The following PTPRG variants were observed in gnomAD, a reference collection of about 807,000 sequenced individuals.
PTPRG encodes receptor-type tyrosine-protein phosphatase gamma.
In PTPRG, 102 loss-of-function variants were observed where a neutral mutation model predicts 165.3. That is an observed-to-expected ratio of 0.62 (90% CI 0.53 to 0.73). The LOEUF is 0.73. PTPRG is among the 30% of genes least tolerant of loss of function. PTPRG has a pLI of 0.00. For synonymous variants in PTPRG, 675 were observed against 669.5 expected (o/e 1.01, Z -0.13); for missense variants, 1,866 against 1,861.4 (o/e 1.00, Z -0.05).
At chr3:61,824,032 G>T (rs2036034728) in intron 2 of PTPRG, among the ~76,000 whole-genome samples, 1 of 152,142 alleles carries the variant, frequency 6.6e-6, no homozygotes, top group Admixed American at 6.5e-5. Context: ...GCTGAGGCAG[G>T]AGAATGGCAT....
intron 1 of PTPRG, among the ~76,000 whole-genome samples, chr3:61,594,447 T>C (rs1700644783): frequency 6.6e-6 from 1 of 151,762 alleles, no homozygotes; most frequent in Non-Finnish European, 1.5e-5. Context: ...TGTTAGACGT[T>C]GGGAGTGCAA....
rs1219465740 is a variant in PTPRG, at chr3:61,600,752, G to C, written c.85+38380G>C. Among the ~76,000 whole-genome samples the C allele has an allele frequency of 2.0e-5, 3 of 152,168 alleles. No individual in the cohort carries two copies. The East Asian group carries it at 5.8e-4, about 30-fold the overall frequency. On this transcript the variant is annotated intron_variant, in intron 1 of 29. Coordinates refer to ENST00000474889, the MANE Select transcript of PTPRG (RefSeq NM_002841.4). ...ATAGAGTTTTCCCAGTGTTGCCGAGGCTGGTCTCAAACTCCTAAGCTCAAG... is the reference window on the plus strand; with the variant it reads ...ATAGAGTTTTCCCAGTGTTGCCGAGCCTGGTCTCAAACTCCTAAGCTCAAG...
At chr3:61,800,619 A>T (rs1206076702) in intron 2 of PTPRG, among the ~76,000 whole-genome samples, 1 of 151,084 alleles carries the variant, frequency 6.6e-6, no homozygotes, top group Non-Finnish European at 1.5e-5. Context: ...TGGAGAAAGA[A>T]GGGTGTTCCG....
At chr3:62,253,495 T>C (rs182565439) in intron 15 of PTPRG, among the ~76,000 whole-genome samples, 1 of 152,322 alleles carries the variant, frequency 6.6e-6, no homozygotes, top group Non-Finnish European at 1.5e-5. Flanking sequence ...GGCTAATCAT[T>C]TAGAGACTCT....
chr3:62,032,845 A>G (rs1699814013), intron 4 of PTPRG, among the ~76,000 whole-genome samples: 1 of 152,160 alleles, frequency 6.6e-6, no homozygotes. Flanking sequence ...GTGGAGTGTT[A>G]GGCCGGTGCA....
At chr3:62,280,738 C>G (rs765463004) in intron 26 of PTPRG, among the ~76,000 whole-genome samples, 6 of 151,996 alleles carry the variant, frequency 3.9e-5, no homozygotes, top group Non-Finnish European at 5.9e-5. Flanking sequence ...GAAATCAACA[C>G]CTCGTAAAGA....
chr3:61,853,186 G>C (rs2037012885), intron 2 of PTPRG, among the ~76,000 whole-genome samples: 1 of 152,174 alleles, frequency 6.6e-6, no homozygotes, highest in Non-Finnish European at 1.5e-5. Context: ...AAGCAGGGAA[G>C]GGGGGTTTGA....
chr3:61,990,786 C>T (rs754504295), intron 3 of PTPRG, among the ~76,000 whole-genome samples: 2 of 152,142 alleles, frequency 1.3e-5, no homozygotes, highest in Non-Finnish European at 2.9e-5. Flanking sequence ...TCACTGTGAA[C>T]CACTGTTAGT....
rs747868773 is a variant in PTPRG at position 61,656,043 on chromosome 3, C to A, written c.86-92835C>A. Among the ~76,000 whole-genome samples the A allele has an allele frequency of 8.7e-5, 13 of 150,178 alleles. No homozygotes were observed. In the South Asian group the frequency reaches 1.1e-3, roughly 12 times the overall value. On this transcript the variant is annotated intron_variant, in intron 1 of 29. Coordinates refer to ENST00000474889, the MANE Select transcript of PTPRG (RefSeq NM_002841.4). Reference sequence around the variant, plus strand: ...CAACGTGGGCAACATAGCAAGACCCCCCCCCCCCCGACCATCTCTAAAGAA... The same window carrying A: ...CAACGTGGGCAACATAGCAAGACCCACCCCCCCCCGACCATCTCTAAAGAA...
At chr3:62,154,986 C>G (rs185727092) in intron 6 of PTPRG, among the ~76,000 whole-genome samples, 2 of 152,144 alleles carry the variant, frequency 1.3e-5, no homozygotes, top group South Asian at 2.1e-4. Context: ...TTTTCTTCTC[C>G]GGGCCAAACC....
chr3:62,157,387 T>G (rs567921697), intron 7 of PTPRG, among the ~76,000 whole-genome samples, 163 bp downstream of exon 7: 1 of 152,342 alleles, frequency 6.6e-6, no homozygotes, highest in Non-Finnish European at 1.5e-5. Flanking sequence ...ACCCAAGAAC[T>G]GCAAGCGATA....
chr3:62,006,717 G>A (rs1389794103), intron 4 of PTPRG, among the ~76,000 whole-genome samples: 1 of 152,166 alleles, frequency 6.6e-6, no homozygotes, highest in Non-Finnish European at 1.5e-5. Context: ...ATTAGGTAAT[G>A]TCTGGAGACA....
chr3:62,065,173 A>G (rs1276587307), intron 4 of PTPRG, among the ~76,000 whole-genome samples: 2 of 152,144 alleles, frequency 1.3e-5, no homozygotes, highest in Non-Finnish European at 2.9e-5. Flanking sequence ...AATGTGTGTA[A>G]TCTTTTCAGG....
chr3:61,806,148 C>G (rs2035409454), intron 2 of PTPRG, among the ~76,000 whole-genome samples: 1 of 152,152 alleles, frequency 6.6e-6, no homozygotes, highest in African/African-American at 2.4e-5. Flanking sequence ...TCTTCCAAAA[C>G]TTGCATACCA....
rs1463132259 is a variant in PTPRG, at chr3:62,112,797, G to A, written c.616-19805G>A. On this transcript the variant is annotated intron_variant, in intron 5 of 29. Coordinates refer to ENST00000474889, the MANE Select transcript of PTPRG (RefSeq NM_002841.4). ...CTAAGATGTATGTACGTTCGTGTCT[G>A]TGAGTAGTGGTCCTGAAGGAATGGG... is the stretch of plus-strand genomic sequence containing the variant. Among the ~76,000 whole-genome samples the A allele has an allele frequency of 2.0e-5, 3 of 152,196 alleles. No individual in the cohort carries two copies. In the East Asian group the frequency reaches 5.8e-4, roughly 29 times the overall value.
chr3:62,175,214 A>T (rs571048777), intron 8 of PTPRG, among the ~76,000 whole-genome samples: 4 of 152,340 alleles, frequency 2.6e-5, no homozygotes, highest in African/African-American at 9.6e-5. Flanking sequence ...AATATTTTGT[A>T]TCAATTGTTG....
intron 1 of PTPRG, among the ~76,000 whole-genome samples, chr3:61,726,132 T>C (rs914271341): frequency 6.6e-6 from 1 of 152,190 alleles, no homozygotes. Flanking sequence ...CAGTGGATCA[T>C]CATACTCTAT....
chr3:61,915,749 T>C (rs1426083768), intron 2 of PTPRG, among the ~76,000 whole-genome samples: 1 of 152,234 alleles, frequency 6.6e-6, no homozygotes, highest in Admixed American at 6.5e-5. Flanking sequence ...TGGAAATTAA[T>C]TCTTCAGCAA....
chr3:62,244,712 AATGTGCT>A (rs1701252006), intron 15 of PTPRG, among the ~76,000 whole-genome samples: 1 of 152,132 alleles, frequency 6.6e-6, no homozygotes, highest in African/African-American at 2.4e-5. Context: ...TCCACCAGCT[AATGTGCT>A]ATTTATTTTA....
Sources: gnomAD v4.1 joint callset for allele counts (sites outside exome capture counted in the v4.1 genomes callset) on GRCh38, gnomAD v4.1.1 for gene constraint, MANE v1.5 for transcripts, NCBI Gene and HGNC (gene_info 2026-07-23, HGNC 2026-07-21) for gene names.